The following CHD6 variants were observed in gnomAD, a reference collection of about 807,000 sequenced individuals.
CHD6 encodes the protein chromodomain helicase DNA binding protein 6, also known as ATP-dependent chromatin remodeler CHD6.
In CHD6, 50 loss-of-function variants were observed where a neutral mutation model predicts 276.9. The observed-to-expected ratio is 0.18, with a 90% CI of 0.14 to 0.23. CHD6 has a LOEUF of 0.23. CHD6 is among the 10% of genes least tolerant of loss of function. The pLI, the probability that CHD6 is intolerant of heterozygous loss-of-function variation, is 1.00. For synonymous variants in CHD6, 1,173 were observed against 1,229.3 expected (o/e 0.95, Z 0.96); for missense variants, 2,564 against 3,365.8 (o/e 0.76, Z 5.89).
At chr20:41,458,495 A>G (rs1258722201) in intron 17 of CHD6, among the ~76,000 whole-genome samples, 1 of 152,204 alleles carries the variant, frequency 6.6e-6, no homozygotes, top group African/African-American at 2.4e-5. Context: ...TGTGGAAAAA[A>G]GGAAGACGAG....
chr20:41,437,566 T>C (rs913006138), intron 26 of CHD6, among the ~76,000 whole-genome samples: 1 of 152,222 alleles, frequency 6.6e-6, no homozygotes, highest in African/African-American at 2.4e-5. Flanking sequence ...AACTTTATCA[T>C]AGGTATGTTT....
At chr20:41,462,744 G>A (rs777865773) in intron 17 of CHD6, among the ~76,000 whole-genome samples, 38 of 152,102 alleles carry the variant, frequency 2.5e-4, no homozygotes, top group Admixed American at 1.4e-3. Context: ...GCATGTTTAC[G>A]TATGCATTTG....
intron 1 of CHD6, among the ~76,000 whole-genome samples, chr20:41,598,141 C>T (rs371003602): frequency 2.0e-5 from 3 of 152,314 alleles, no homozygotes; most frequent in African/African-American, 7.2e-5. Flanking sequence ...TAATCCAGTA[C>T]AAATTTCCAT....
intron 1 of CHD6, among the ~76,000 whole-genome samples, chr20:41,577,662 A>T (rs2045489256): frequency 1.3e-5 from 2 of 152,260 alleles, no homozygotes; most frequent in South Asian, 4.1e-4. Flanking sequence ...AACACAATAA[A>T]CAAAACAAAT....
rs1301009107 is a variant in CHD6, at chr20:41,437,475, A to T, written c.4008-141T>A. On this transcript the variant is annotated intron_variant, in intron 26 of 36. Coordinates refer to ENST00000373233, the MANE Select transcript of CHD6 (RefSeq NM_032221.5). The stretch of plus-strand genomic sequence containing the variant: ...GGCGAGAGAGAGAGATCACATTCAC[A>T]TTACTTTTATTACAGTATATTGTTA... 1.7e-5 allele frequency: 10 copies of T among 591,956 alleles called. No homozygotes were observed. The South Asian group carries it at 2.3e-4, about 13-fold the overall frequency. 36.7% of individuals were successfully genotyped at this position (591,956 alleles called of 1,614,324 possible). A position where few individuals can be genotyped will look rare whatever the true frequency, so the allele number is the denominator to read the frequency against.
chr20:41,554,918 G>A (rs1478242014), intron 1 of CHD6, among the ~76,000 whole-genome samples: 1 of 152,104 alleles, frequency 6.6e-6, no homozygotes, highest in East Asian at 2.0e-4. Context: ...ACGGGGTGGT[G>A]GCCAGGCAGA....
intron 1 of CHD6, among the ~76,000 whole-genome samples, chr20:41,596,085 A>G (rs2146273910): frequency 6.6e-6 from 1 of 152,006 alleles, no homozygotes; most frequent in East Asian, 1.9e-4. Flanking sequence ...CAGTCCCTCC[A>G]CCATATAACC....
intron 1 of CHD6, among the ~76,000 whole-genome samples, chr20:41,597,169 C>T (rs969450825): frequency 6.6e-6 from 1 of 152,106 alleles, no homozygotes; most frequent in Non-Finnish European, 1.5e-5. Context: ...AAGAAGTCAT[C>T]CCACTTACGG....
At chr20:41,545,324 G>A (rs2045019016) in intron 2 of CHD6, among the ~76,000 whole-genome samples, 1 of 152,128 alleles carries the variant, frequency 6.6e-6, no homozygotes, top group Non-Finnish European at 1.5e-5. Context: ...AGAACATAAA[G>A]TAAGAATAAT....
chr20:41,616,936 G>C (rs992023689), intron 1 of CHD6, among the ~76,000 whole-genome samples: 9 of 152,044 alleles, frequency 5.9e-5, no homozygotes, highest in Admixed American at 1.3e-4. Context: ...TCAGCCTAGG[G>C]AGCAAAACCG....
intron 3 of CHD6, among the ~76,000 whole-genome samples, chr20:41,521,671 C>T (rs2044401457): frequency 6.6e-6 from 1 of 152,192 alleles, no homozygotes; most frequent in Admixed American, 6.5e-5. Context: ...GCCCTATCAG[C>T]AATGAGTACA....
At chr20:41,587,981 T>C (rs879907552) in intron 1 of CHD6, among the ~76,000 whole-genome samples, 8 of 151,986 alleles carry the variant, frequency 5.3e-5, no homozygotes, top group Admixed American at 3.3e-4. Flanking sequence ...GGGAGGGACC[T>C]TGGGCATGGA....
intron 5 of CHD6, among the ~76,000 whole-genome samples, chr20:41,510,930 T>C (rs2044102162): frequency 6.6e-6 from 1 of 152,216 alleles, no homozygotes; most frequent in African/African-American, 2.4e-5. Flanking sequence ...ATCAAATTAT[T>C]ATTCCTACTA....
chr20:41,584,588 C>G (rs1385920683), intron 1 of CHD6, among the ~76,000 whole-genome samples: 7 of 152,050 alleles, frequency 4.6e-5, no homozygotes. Flanking sequence ...ATAAAACAAA[C>G]CTCAACAAAT....
At chr20:41,552,148 TG>T (rs1419886205) in intron 1 of CHD6, among the ~76,000 whole-genome samples, 1 of 152,216 alleles carries the variant, frequency 6.6e-6, no homozygotes, top group Non-Finnish European at 1.5e-5. Context: ...CTAGTACTAC[TG>T]CCTCAGATCT....
At chr20:41,530,495 G>T (rs965879907) in intron 3 of CHD6, among the ~76,000 whole-genome samples, 1 of 152,134 alleles carries the variant, frequency 6.6e-6, no homozygotes, top group African/African-American at 2.4e-5. Context: ...GAGCCAATCT[G>T]CAAGAGTAAA....
At chr20:41,440,447 C>T (rs533236974) in intron 25 of CHD6, among the ~76,000 whole-genome samples, 12 of 152,316 alleles carry the variant, frequency 7.9e-5, no homozygotes, top group Admixed American at 4.6e-4. Flanking sequence ...CCATCCTCAA[C>T]TCTGGATACC....
At chr20:41,449,230 C>G (rs1440259129) in intron 23 of CHD6, among the ~76,000 whole-genome samples, 3 of 152,098 alleles carry the variant, frequency 2.0e-5, no homozygotes, top group Admixed American at 1.3e-4. Context: ...ATTTTTAAAG[C>G]CCAGAGAATA....
intron 1 of CHD6, among the ~76,000 whole-genome samples, chr20:41,558,754 T>C (rs908801706): frequency 4.6e-5 from 7 of 152,136 alleles, no homozygotes; most frequent in Non-Finnish European, 8.8e-5. Flanking sequence ...TACCTCCCAG[T>C]TACTCTTTCC....
Sources: allele counts gnomAD v4.1 joint callset (sites outside exome capture counted in the v4.1 genomes callset), GRCh38; gene constraint gnomAD v4.1.1; transcripts MANE v1.5; gene names NCBI Gene and HGNC (gene_info 2026-07-23, HGNC 2026-07-21).